Variants in ME1 observed in about 807,000 individuals in gnomAD.
The protein encoded by ME1 is malic enzyme 1.
In ME1, 74 loss-of-function variants were observed where a neutral mutation model predicts 66.4. The ratio of observed to expected loss-of-function variants is 1.11; its 90% CI spans 0.92 to 1.35. ME1 has a LOEUF of 1.35. ME1 is among the 40% of genes most tolerant of loss of function. The probability of loss-of-function intolerance (pLI) is 0.00; values close to 1 mark genes in which losing one functional copy is unlikely to be tolerated. For missense variants in ME1, 750 were observed against 694.1 expected (o/e 1.08, Z -0.90); for synonymous variants, 251 against 235.6 (o/e 1.07, Z -0.60).
At chr6:83,217,961 G>A (rs1206552422) in intron 12 of ME1, among the ~76,000 whole-genome samples, 1 of 152,152 alleles carries the variant, frequency 6.6e-6, no homozygotes, top group African/African-American at 2.4e-5. Flanking sequence ...AAAGTTACTA[G>A]TATAACTATT....
chr6:83,359,343 G>A (rs1768960799), intron 3 of ME1, among the ~76,000 whole-genome samples: 1 of 152,176 alleles, frequency 6.6e-6, no homozygotes, highest in South Asian at 2.1e-4. Context: ...CCCATGAGGA[G>A]GTGCGTTATG....
intron 9 of ME1, among the ~76,000 whole-genome samples, chr6:83,235,339 C>T (rs934440466): frequency 6.6e-5 from 10 of 152,102 alleles, no homozygotes; most frequent in Non-Finnish European, 4.4e-5. Flanking sequence ...ATTGAATCCC[C>T]AGAGTCTAGA....
intron 3 of ME1, among the ~76,000 whole-genome samples, chr6:83,376,320 A>C (rs1012383419): frequency 1.1e-4 from 16 of 152,166 alleles, no homozygotes; most frequent in Admixed American, 9.2e-4. Flanking sequence ...AACATGGTGA[A>C]ACCCCATCTC....
At position 83,398,077 on chromosome 6, in the gene ME1, CAT is replaced by C. The variant is rs568222749; in HGVS notation, c.362+288_362+289del. On this transcript the variant is annotated intron_variant, in intron 3 of 13. Coordinates refer to ENST00000369705, the MANE Select transcript of ME1 (RefSeq NM_002395.6). ...TGAGTTCAAGACATCTATTGTACCACATAGTGACTATTGCTAAGGATAATTTA... is the reference window on the plus strand; with the variant it reads ...TGAGTTCAAGACATCTATTGTACCACAGTGACTATTGCTAAGGATAATTTA... 5.2e-3 allele frequency among the ~76,000 whole-genome samples: 797 copies of C among 152,196 alleles called. 3 individuals carry two copies. Among genetic ancestry groups the C allele is most frequent in the Non-Finnish European group, 9.5e-3 (648 of 68,008 alleles).
rs143177383 is a variant in ME1 at position 83,374,215 on chromosome 6, C to T, written c.363-22076G>A. On this transcript the variant is annotated intron_variant, in intron 3 of 13. Transcript: ENST00000369705. ...ATGGTTGAACTAATTTACATTCCCA[C>T]GAACAATGTAAAAGCATTCCTATTT... Among the ~76,000 whole-genome samples the T allele has an allele frequency of 1.4e-4, 21 of 152,330 alleles. No homozygotes were observed. The South Asian group carries it at 1.9e-3, about 14-fold the overall frequency.
At chr6:83,411,734 G>A (rs1483106360) in intron 1 of ME1, among the ~76,000 whole-genome samples, 3 of 152,176 alleles carry the variant, frequency 2.0e-5, no homozygotes, top group African/African-American at 4.8e-5. Flanking sequence ...TCATGTAGTT[G>A]AAGATATCAG....
At chr6:83,286,711 G>A (rs761499568) in intron 6 of ME1, among the ~76,000 whole-genome samples, 22 of 152,142 alleles carry the variant, frequency 1.4e-4, no homozygotes, top group Non-Finnish European at 2.6e-4. Flanking sequence ...ACACAAAGAA[G>A]TGATAAACAC....
At chr6:83,357,488 G>A (rs1768911926) in intron 3 of ME1, among the ~76,000 whole-genome samples, 1 of 152,150 alleles carries the variant, frequency 6.6e-6, no homozygotes, top group East Asian at 1.9e-4. Flanking sequence ...CCTTCAAGCT[G>A]GCTTCTATGG....
intron 6 of ME1, among the ~76,000 whole-genome samples, chr6:83,274,314 A>ATGGAAAAAGTGAAGTACAG (rs1767136386): frequency 6.6e-6 from 1 of 152,214 alleles, no homozygotes; most frequent in African/African-American, 2.4e-5. Context: ...CAGTGGATAG[A>ATGGAAAAAGTGAAGTACAG]TGGAAAAAGT....
chr6:83,257,731 C>T (rs1246344050), intron 6 of ME1, among the ~76,000 whole-genome samples: 1 of 152,146 alleles, frequency 6.6e-6, no homozygotes, highest in Non-Finnish European at 1.5e-5. Flanking sequence ...GAGAAGCAAA[C>T]TTCATCATAG....
intron 6 of ME1, among the ~76,000 whole-genome samples, chr6:83,298,536 G>A (rs1767646998): frequency 6.6e-6 from 1 of 152,024 alleles, no homozygotes; most frequent in Non-Finnish European, 1.5e-5. Context: ...TCTGATGATA[G>A]TTTCTTTTGC....
At chr6:83,393,051 G>A in intron 3 of ME1, 1 of 1,378,918 alleles carries the variant, frequency 7.3e-7, no homozygotes, top group South Asian at 1.2e-5. Context: ...TGCCAAGGCT[G>A]TGAGGAAGGT....
intron 6 of ME1, among the ~76,000 whole-genome samples, chr6:83,308,778 CATAA>C (rs1212704785): frequency 6.6e-6 from 1 of 151,018 alleles, no homozygotes; most frequent in Non-Finnish European, 1.5e-5. Context: ...AGAGACAGAA[CATAA>C]ATAATTAAAT....
chr6:83,255,994 A>G (rs1766761735), intron 6 of ME1, among the ~76,000 whole-genome samples: 2 of 152,140 alleles, frequency 1.3e-5, no homozygotes, highest in South Asian at 4.1e-4. Flanking sequence ...ACAGCTTTAT[A>G]GTAATTTTAA....
Position 83,211,887 on chromosome 6 carries a change from G to C in ME1, c.*37C>G. ...CTTTAAAAATTATGAAAGGTTTAAA[G>C]ACCTCATTAATAGAGTTAGAAATGT... On this transcript the variant is annotated 3_prime_UTR_variant, in exon 14 of 14. Transcript: ENST00000369705. 7.2e-7 allele frequency: 1 copy of C among 1,395,098 alleles called. No homozygotes were observed. Among genetic ancestry groups the C allele is most frequent in the South Asian group, 1.7e-5 (1 of 58,512 alleles). 86.4% of individuals were successfully genotyped at this position (1,395,098 alleles called of 1,614,324 possible).
intron 6 of ME1, among the ~76,000 whole-genome samples, chr6:83,304,671 T>C (rs1241371317): frequency 1.3e-5 from 2 of 152,112 alleles, no homozygotes; most frequent in East Asian, 3.9e-4. Flanking sequence ...ATTGGTAAAA[T>C]AAAAAACATG....
intron 6 of ME1, among the ~76,000 whole-genome samples, chr6:83,290,226 T>C (rs1344951789): frequency 2.6e-5 from 4 of 152,336 alleles, no homozygotes; most frequent in South Asian, 4.1e-4. Context: ...TGTTAGGATG[T>C]CGATTTTAGA....
intron 6 of ME1, among the ~76,000 whole-genome samples, chr6:83,282,059 A>C (rs1767307379): frequency 6.6e-6 from 1 of 151,896 alleles, no homozygotes; most frequent in Non-Finnish European, 1.5e-5. Context: ...ACTAGACCAT[A>C]TAGAAGAAGG....
chr6:83,327,233 G>C (rs1768311260), intron 5 of ME1, among the ~76,000 whole-genome samples: 1 of 152,080 alleles, frequency 6.6e-6, no homozygotes, highest in African/African-American at 2.4e-5. Context: ...ATGTGTGTTT[G>C]AGCAATATGA....
Sources: allele counts gnomAD v4.1 joint callset (sites outside exome capture counted in the v4.1 genomes callset), GRCh38; gene constraint gnomAD v4.1.1; transcripts MANE v1.5; gene names NCBI Gene and HGNC (gene_info 2026-07-23, HGNC 2026-07-21).